ANTXR2: variants seen among roughly 807,000 people sequenced by gnomAD.
ANTXR2 encodes ANTXR cell adhesion molecule 2, also known as anthrax toxin receptor 2.
A neutral mutation model predicts 73.7 loss-of-function variants in ANTXR2; 44 were observed. The ratio of observed to expected loss-of-function variants is 0.60; its 90% CI spans 0.47 to 0.77. ANTXR2 has a LOEUF of 0.77. Ranked by LOEUF, ANTXR2 falls within the 30% of genes least tolerant of loss-of-function variation. The pLI, the probability that ANTXR2 is intolerant of heterozygous loss-of-function variation, is 0.00. For missense variants in ANTXR2, 604 were observed against 592.5 expected (o/e 1.02, Z -0.20); for synonymous variants, 217 against 205.9 (o/e 1.05, Z -0.46).
At chr4:79,928,880 G>T (rs1266896468) in intron 16 of ANTXR2, among the ~76,000 whole-genome samples, 1 of 152,168 alleles carries the variant, frequency 6.6e-6, no homozygotes, top group East Asian at 1.9e-4. Flanking sequence ...ATAAAGCCAA[G>T]AAAATACCTG....
intron 7 of ANTXR2, among the ~76,000 whole-genome samples, chr4:80,037,480 A>G (rs1282890381): frequency 6.6e-6 from 1 of 152,178 alleles, no homozygotes; most frequent in East Asian, 1.9e-4. Flanking sequence ...TTGTGATTAG[A>G]AAACAAACCT....
At chr4:79,919,071 A>G (rs1166513166) in intron 16 of ANTXR2, among the ~76,000 whole-genome samples, 1 of 152,136 alleles carries the variant, frequency 6.6e-6, no homozygotes, top group Non-Finnish European at 1.5e-5. Context: ...AGGAGATAGA[A>G]CATAGAAGAA....
intron 7 of ANTXR2, among the ~76,000 whole-genome samples, chr4:80,042,202 A>G (rs1412592205): frequency 6.6e-6 from 1 of 152,086 alleles, no homozygotes; most frequent in African/African-American, 2.4e-5. Context: ...TACTAGAACA[A>G]CAAGCTACCA....
intron 3 of ANTXR2, among the ~76,000 whole-genome samples, chr4:80,068,233 A>G (rs1734600997): frequency 6.6e-6 from 1 of 152,218 alleles, no homozygotes; most frequent in Admixed American, 6.5e-5. Context: ...CTTAATTTAC[A>G]AAAAACTGTT....
chr4:79,911,601 T>G (rs1727140630), intron 16 of ANTXR2, among the ~76,000 whole-genome samples: 2 of 152,004 alleles, frequency 1.3e-5, no homozygotes, highest in South Asian at 4.1e-4. Flanking sequence ...TAGAGGAACA[T>G]AAGATTTCCA....
intron 7 of ANTXR2, among the ~76,000 whole-genome samples, chr4:80,050,070 A>G (rs1733705223): frequency 6.6e-6 from 1 of 151,762 alleles, no homozygotes; most frequent in Admixed American, 6.6e-5. Context: ...TCCCTAAGGA[A>G]CTATGATGAT....
rs748402141 is a variant in ANTXR2 at position 80,072,474 on chromosome 4, C to T, written c.87G>A (p.Gly29=). The change falls in exon 1 of 17, where the codon GGG becomes GGA. Residue 29 remains glycine, a synonymous_variant. Transcript: ENST00000403729. ...AGGGCTGCTCCTGGGCGCGCAGCAG[C>T]CCCCCGGGACCGCTGAGCACCAACA... ...LWLLVLSGPG[G]LLRAQEQPSC... is the part of the protein sequence containing the mutation. The T allele has an allele frequency of 3.1e-6, 5 of 1,609,210 alleles. No individual in the cohort carries two copies. Among genetic ancestry groups the T allele is most frequent in the Middle Eastern group, 3.3e-4 (2 of 6,054 alleles).
At chr4:79,918,267 C>A (rs1207167055) in intron 16 of ANTXR2, among the ~76,000 whole-genome samples, 1 of 151,804 alleles carries the variant, frequency 6.6e-6, no homozygotes, top group Non-Finnish European at 1.5e-5. Context: ...AAGGAGAGGA[C>A]AAAAAATGGG....
rs1283276942 is a variant in ANTXR2, at chr4:79,950,490, AT to A, written c.1428+27130del. ...CAAAACATTTCAAACCAAAGCTACT[AT>A]TTCTTCTTTCCCCTCTCCACTCCCA... On this transcript the variant is annotated intron_variant, in intron 16 of 16. Transcript: ENST00000403729. 5.3e-5 allele frequency among the ~76,000 whole-genome samples: 8 copies of A among 152,272 alleles called. No individual in the cohort carries two copies. In the South Asian group the frequency reaches 1.4e-3, roughly 28 times the overall value.
intron 11 of ANTXR2, among the ~76,000 whole-genome samples, 197 bp from the exon 12 acceptor site, chr4:80,008,813 ATTG>A (rs1731432788): frequency 6.6e-6 from 1 of 152,200 alleles, no homozygotes; most frequent in African/African-American, 2.4e-5. Flanking sequence ...TTTATGTTAT[ATTG>A]TTGTGACAGG....
intron 16 of ANTXR2, among the ~76,000 whole-genome samples, chr4:79,977,321 A>G (rs1220205274): frequency 6.6e-6 from 1 of 152,238 alleles, no homozygotes; most frequent in East Asian, 1.9e-4. Flanking sequence ...AGTCTGTTGG[A>G]ACATTTTGTC....
chr4:79,944,630 AAAGT>A (rs1260155307), intron 16 of ANTXR2, among the ~76,000 whole-genome samples: 1 of 152,160 alleles, frequency 6.6e-6, no homozygotes, highest in African/African-American at 2.4e-5. Flanking sequence ...TCACAATATA[AAAGT>A]AAGCCATTGG....
chr4:79,921,215 T>C (rs1277676207), intron 16 of ANTXR2, among the ~76,000 whole-genome samples: 3 of 152,130 alleles, frequency 2.0e-5, no homozygotes, highest in Non-Finnish European at 2.9e-5. Context: ...TTCATTTGCC[T>C]TATCAAGTTG....
chr4:80,035,863 A>G, intron 8 of ANTXR2, 109 bp downstream of exon 8: 2 of 943,662 alleles, frequency 2.1e-6, no homozygotes, highest in Non-Finnish European at 3.2e-6. Flanking sequence ...AAAGATGCCA[A>G]AAAAGTTAAT....
intron 3 of ANTXR2, among the ~76,000 whole-genome samples, chr4:80,059,529 T>G (rs1465994291): frequency 6.6e-6 from 1 of 152,052 alleles, no homozygotes. Context: ...AGGCTACTTT[T>G]AAATTTTCTA....
chr4:79,929,969 T>C lies in ANTXR2; in HGVS notation c.1429-22502A>G, dbSNP rs576573837. Among the ~76,000 whole-genome samples, 8 of 152,276 alleles carry C rather than the reference T, an allele frequency of 5.3e-5. No individual in the cohort carries two copies. The South Asian group carries it at 1.7e-3, about 32-fold the overall frequency. On this transcript the variant is annotated intron_variant, in intron 16 of 16. Coordinates refer to ENST00000403729, the MANE Select transcript of ANTXR2 (RefSeq NM_058172.6). ...AACGGTCCTGTGACAAGTACTATTA[T>C]ACTGAATTTATAGATGAGGAAACTG... is the stretch of plus-strand genomic sequence containing the variant.
intron 16 of ANTXR2, among the ~76,000 whole-genome samples, chr4:79,973,722 C>T (rs1049616856): frequency 1.1e-4 from 16 of 152,120 alleles, no homozygotes; most frequent in Non-Finnish European, 2.2e-4. Context: ...AGCCACCACA[C>T]CTGGCCACAT....
chr4:80,062,302 C>T (rs902750600), intron 3 of ANTXR2, among the ~76,000 whole-genome samples: 2 of 152,148 alleles, frequency 1.3e-5, no homozygotes, highest in African/African-American at 4.8e-5. Flanking sequence ...TCAATTCACA[C>T]CTGAAGTTCA....
At chr4:80,017,491 T>C (rs1347424214) in intron 11 of ANTXR2, among the ~76,000 whole-genome samples, 2 of 151,246 alleles carry the variant, frequency 1.3e-5, no homozygotes. Flanking sequence ...TGAGTCATAT[T>C]ACCCTCACTC....
Sources: allele counts gnomAD v4.1 joint callset (sites outside exome capture counted in the v4.1 genomes callset), GRCh38; gene constraint gnomAD v4.1.1; transcripts MANE v1.5; gene names NCBI Gene and HGNC (gene_info 2026-07-23, HGNC 2026-07-21).